SESTD1: variants seen among roughly 807,000 people sequenced by gnomAD.
SESTD1 encodes the protein SEC14 and spectrin domain containing 1.
A neutral mutation model predicts 101.7 loss-of-function variants in SESTD1; 43 were observed. That is an observed-to-expected ratio of 0.42 (90% CI 0.33 to 0.55). The LOEUF (loss-of-function observed/expected upper bound fraction) is 0.55. Ranked by LOEUF, SESTD1 falls within the 20% of genes least tolerant of loss-of-function variation. SESTD1 has a pLI of 0.07. For missense variants in SESTD1, 647 were observed against 815.1 expected, an observed-to-expected ratio of 0.79 and a Z score of 2.51; for synonymous variants, 283 against 286.8, an observed-to-expected ratio of 0.99 and a Z score of 0.13.
intron 5 of SESTD1, among the ~76,000 whole-genome samples, chr2:179,161,275 C>T (rs1208263974): frequency 6.6e-6 from 1 of 151,938 alleles, no homozygotes; most frequent in Non-Finnish European, 1.5e-5. Flanking sequence ...GTATTTTTCC[C>T]ACCTAACAAA....
intron 1 of SESTD1, among the ~76,000 whole-genome samples, chr2:179,193,466 T>G (rs2046347426): frequency 6.6e-6 from 1 of 152,184 alleles, no homozygotes; most frequent in Admixed American, 6.5e-5. Flanking sequence ...TGTTATCCAG[T>G]TATACAAGAA....
In SESTD1 at chr2:179,264,701, G is replaced by C. The variant is rs2047537720; in HGVS notation, c.-228C>G. 6.6e-6 allele frequency: 1 copy of C among 151,182 alleles called. No homozygotes were observed. Among genetic ancestry groups the C allele is most frequent in the African/African-American group, 2.4e-5 (1 of 41,194 alleles). 9.4% of individuals were successfully genotyped at this position (151,182 alleles called of 1,614,324 possible). On this transcript the variant is annotated 5_prime_UTR_variant, in exon 1 of 18. Coordinates refer to ENST00000428443, the MANE Select transcript of SESTD1 (RefSeq NM_178123.5). ...AAATCGCGTCCCGGCCCCTCCGTGCGTCAGGCGGGGAGCGGGGGTGCGGGT... is the reference window on the plus strand; with the variant it reads ...AAATCGCGTCCCGGCCCCTCCGTGCCTCAGGCGGGGAGCGGGGGTGCGGGT...
In SESTD1 at chr2:179,203,245, G is replaced by A. The variant is rs960757490; in HGVS notation, c.-25-11379C>T. Among the ~76,000 whole-genome samples, 15 of 134,378 alleles carry A rather than the reference G, an allele frequency of 1.1e-4. 4 individuals are homozygous for A. The highest frequency in any genetic ancestry group is 3.8e-4 in the African/African-American group (13 of 33,912). 88.2% of individuals were successfully genotyped at this position (134,378 alleles called of 152,430 possible). On this transcript the variant is annotated intron_variant, in intron 1 of 17. Coordinates refer to ENST00000428443, the MANE Select transcript of SESTD1 (RefSeq NM_178123.5). ...TGGCAGACAACCCTTTCTCTGCTGTGCTGCCCATTGCAACCTTGCAGCATA... is the reference window on the plus strand; with the variant it reads ...TGGCAGACAACCCTTTCTCTGCTGTACTGCCCATTGCAACCTTGCAGCATA...
chr2:179,186,949 A>G (rs1483528652), intron 2 of SESTD1, among the ~76,000 whole-genome samples: 1 of 152,162 alleles, frequency 6.6e-6, no homozygotes, highest in African/African-American at 2.4e-5. Context: ...TATAAGCCAA[A>G]AGAGACTGGA....
chr2:179,259,384 G>A (rs1000452993), intron 1 of SESTD1, among the ~76,000 whole-genome samples: 2 of 151,886 alleles, frequency 1.3e-5, no homozygotes, highest in Non-Finnish European at 2.9e-5. Context: ...GTGCCCCCAC[G>A]ACACCCGACT....
Position 179,186,597 on chromosome 2 carries a change from G to A in SESTD1, c.56-3409C>T, listed in dbSNP as rs552910649. Among the ~76,000 whole-genome samples, 6 of 151,996 alleles carry A rather than the reference G, an allele frequency of 3.9e-5. No individual in the cohort carries two copies. The South Asian group carries it at 1.2e-3, about 32-fold the overall frequency. On this transcript the variant is annotated intron_variant, in intron 2 of 17. Coordinates refer to ENST00000428443, the MANE Select transcript of SESTD1 (RefSeq NM_178123.5). ...TTATTATTACATTTTCATATCAGAA[G>A]TGAGACATCATGACATCTACCTTGT...
intron 1 of SESTD1, among the ~76,000 whole-genome samples, chr2:179,236,513 T>A (rs531597333): frequency 2.4e-4 from 37 of 152,038 alleles, no homozygotes; most frequent in East Asian, 5.8e-4. Context: ...GTAATTTTTT[T>A]AAATTATATG....
At chr2:179,112,637 C>A in intron 17 of SESTD1, 87 bp downstream of exon 17, 1 of 1,442,824 alleles carries the variant, frequency 6.9e-7, no homozygotes. Flanking sequence ...ATTTACTTGG[C>A]TTTTTAAAGA....
In SESTD1 at chr2:179,229,077, T is replaced by C. The variant is rs78087325; in HGVS notation, c.-26+35422A>G. On this transcript the variant is annotated intron_variant, in intron 1 of 17. Coordinates refer to ENST00000428443, the MANE Select transcript of SESTD1 (RefSeq NM_178123.5). The stretch of plus-strand genomic sequence containing the variant: ...AAAGTGCAGGGAGGATTCAAGGAGG[T>C]AGTCTTGATAAGGTAATGCATCAAG... Among the ~76,000 whole-genome samples, 843 of 152,122 alleles carry C rather than the reference T, an allele frequency of 5.5e-3. 4 individuals carry two copies. Among genetic ancestry groups the C allele is most frequent in the African/African-American group, 0.019 (784 of 41,482 alleles).
chr2:179,140,371 A>G (rs922854091), intron 9 of SESTD1, among the ~76,000 whole-genome samples: 2 of 152,082 alleles, frequency 1.3e-5, no homozygotes, highest in Admixed American at 6.6e-5. Context: ...TGGTATCCTT[A>G]TAAGGAGAGG....
chr2:179,235,735 C>T (rs1387570474), intron 1 of SESTD1, among the ~76,000 whole-genome samples: 1 of 152,178 alleles, frequency 6.6e-6, no homozygotes, highest in African/African-American at 2.4e-5. Flanking sequence ...ATTTGAAAAT[C>T]CCGAATGGTA....
intron 16 of SESTD1, among the ~76,000 whole-genome samples, chr2:179,113,988 G>A (rs1022407403): frequency 6.6e-6 from 1 of 152,038 alleles, no homozygotes; most frequent in African/African-American, 2.4e-5. Context: ...CTGGGTGCTG[G>A]TAATGTTCTG....
rs1326694184 is a variant in SESTD1, at chr2:179,176,415, A to C, written c.255+33T>G. On this transcript the variant is annotated intron_variant, in intron 4 of 17. Coordinates refer to ENST00000428443, the MANE Select transcript of SESTD1 (RefSeq NM_178123.5). ...ACCAGGATCTGTTGCTGTAAAATAA[A>C]AACCATTTCCTGATAGACAAAACCA... 2.0e-6 allele frequency: 3 copies of C among 1,530,644 alleles called. No individual in the cohort carries two copies. The African/African-American group carries it at 4.1e-5, about 21-fold the overall frequency. The allele number at this position is 1,530,644 out of a possible 1,614,324, so 94.8% of individuals were successfully genotyped here. A position where few individuals can be genotyped will look rare whatever the true frequency, so the allele number is the denominator to read the frequency against.
chr2:179,168,120 C>T (rs1389450343), intron 5 of SESTD1, among the ~76,000 whole-genome samples: 1 of 152,104 alleles, frequency 6.6e-6, no homozygotes, highest in African/African-American at 2.4e-5. Flanking sequence ...CACAGGTCCA[C>T]TTATAAGGGA....
At position 179,123,830 on chromosome 2, in the gene SESTD1, C is replaced by A; in HGVS notation, c.1168-1G>T. On this transcript the variant is annotated splice_acceptor_variant, in intron 11 of 17. Coordinates refer to ENST00000428443, the MANE Select transcript of SESTD1 (RefSeq NM_178123.5). LOFTEE classifies it high-confidence loss of function. ...ATAAGCCATCCAACTGCTGAGACAA[C>A]TAAAGCAGAGGGACACCAAAGAGAT... 6.2e-7 allele frequency: 1 copy of A among 1,610,278 alleles called. No individual in the cohort carries two copies. The highest frequency in any genetic ancestry group is 8.5e-7 in the Non-Finnish European group (1 of 1,176,790).
chr2:179,264,719 G>T lies in SESTD1; in HGVS notation c.-246C>A, dbSNP rs1247080787. The T allele has an allele frequency of 6.6e-6, 1 of 151,466 alleles. No individual in the cohort carries two copies. Among genetic ancestry groups the T allele is most frequent in the African/African-American group, 2.4e-5 (1 of 41,356 alleles). 9.4% of individuals were successfully genotyped at this position (151,466 alleles called of 1,614,324 possible). On this transcript the variant is annotated 5_prime_UTR_variant, in exon 1 of 18. Transcript: ENST00000428443. The stretch of plus-strand genomic sequence containing the variant: ...TCCGTGCGTCAGGCGGGGAGCGGGG[G>T]TGCGGGTGGCCCGGCGACCTCTCGG...
At position 179,149,495 on chromosome 2, in the gene SESTD1, GTTT is replaced by G. The variant is rs562501175; in HGVS notation, c.484-104_484-102del. 161 of 740,810 alleles carry G rather than the reference GTTT, an allele frequency of 2.2e-4. No individual in the cohort carries two copies. The African/African-American group carries it at 2.9e-3, about 13-fold the overall frequency. The allele number at this position is 740,810 out of a possible 1,614,324, so 45.9% of individuals were successfully genotyped here. On this transcript the variant is annotated intron_variant, in intron 6 of 17. Transcript: ENST00000428443. ...TAATAGAATTGGCCAGCTAGGATAT[GTTT>G]TCCTTCCCCAGCAGTTCGTGCAATT...
At chr2:179,227,175 G>A (rs1309506339) in intron 1 of SESTD1, among the ~76,000 whole-genome samples, 3 of 152,104 alleles carry the variant, frequency 2.0e-5, no homozygotes, top group Non-Finnish European at 2.9e-5. Flanking sequence ...GCCTAAGTGA[G>A]TTTTCATTAT....
At position 179,211,444 on chromosome 2, in the gene SESTD1, G is replaced by A. The variant is rs1396169415; in HGVS notation, c.-25-19578C>T. On this transcript the variant is annotated intron_variant, in intron 1 of 17. Transcript: ENST00000428443. The stretch of plus-strand genomic sequence containing the variant: ...AAGACTATAGTTACCAAAACCGCAG[G>A]GAACTAGTATAAAAACTGGCACACA... 4.5e-5 allele frequency among the ~76,000 whole-genome samples: 6 copies of A among 133,926 alleles called. 2 individuals are homozygous for A. The highest frequency in any genetic ancestry group is 1.5e-4 in the African/African-American group (5 of 33,714). The allele number at this position is 133,926 out of a possible 152,430, so 87.9% of individuals were successfully genotyped here.
Sources: gnomAD v4.1 joint callset for allele counts (sites outside exome capture counted in the v4.1 genomes callset) on GRCh38, gnomAD v4.1.1 for gene constraint, MANE v1.5 for transcripts, NCBI Gene and HGNC (gene_info 2026-07-23, HGNC 2026-07-21) for gene names.